The following JMJD1C variants were observed in gnomAD, a reference collection of about 807,000 sequenced individuals.
The protein encoded by JMJD1C is jumonji domain-containing protein 1C.
In JMJD1C, 31 loss-of-function variants were observed where a neutral mutation model predicts 245.3. That is an observed-to-expected ratio of 0.13 (90% CI 0.09 to 0.17). The LOEUF is 0.17. Among genes scored for constraint, JMJD1C ranks in the 10% least tolerant of loss-of-function variants. The probability of loss-of-function intolerance (pLI) is 1.00; values close to 1 mark genes in which losing one functional copy is unlikely to be tolerated. For missense variants in JMJD1C, 2,691 were observed against 3,000.2 expected, an observed-to-expected ratio of 0.90 and a Z score of 2.41; for synonymous variants, 1,057 against 1,017.4, an observed-to-expected ratio of 1.04 and a Z score of -0.74.
intron 1 of JMJD1C, among the ~76,000 whole-genome samples, chr10:63,486,137 TA>T (rs1166721473): frequency 0.024 from 1,757 of 73,238 alleles, 22 homozygotes; most frequent in African/African-American, 0.039. Context: ...CAAGCAATTG[TA>T]AAAAAAAAAA....
At chr10:63,286,627 T>C (rs1027248835) in intron 2 of JMJD1C, among the ~76,000 whole-genome samples, 18 of 152,316 alleles carry the variant, frequency 1.2e-4, no homozygotes, top group African/African-American at 1.7e-4. Context: ...TTGAACCACA[T>C]AGAGGCCCTT....
intron 1 of JMJD1C, chr10:63,521,474 T>C: frequency 9.3e-7 from 1 of 1,070,972 alleles, no homozygotes; most frequent in Non-Finnish European, 1.2e-6. Context: ...GCGCGCGGCC[T>C]GCCGTTGGCG....
rs540044419 is a variant in JMJD1C, at chr10:63,498,943, T to C, written n.113+22795A>G. Among the ~76,000 whole-genome samples the C allele has an allele frequency of 5.9e-5, 9 of 152,358 alleles. No individual in the cohort carries two copies. In the East Asian group the frequency reaches 1.3e-3, roughly 23 times the overall value. On this transcript the variant is annotated intron_variant and non_coding_transcript_variant, in intron 1 of 3. Transcript: ENST00000633035. The stretch of plus-strand genomic sequence containing the variant: ...CCCTCTGCTACTATGACTTTGATTA[T>C]TGTAGATTCTTCTTATCACTAAAAT...
intron 1 of JMJD1C, among the ~76,000 whole-genome samples, chr10:63,452,324 A>G (rs1219104157): frequency 6.6e-6 from 1 of 152,250 alleles, no homozygotes; most frequent in Non-Finnish European, 1.5e-5. Flanking sequence ...AATTGTGAAC[A>G]TGCACATGAA....
intron 1 of JMJD1C, chr10:63,427,917 G>T: frequency 1.4e-6 from 1 of 718,682 alleles, no homozygotes; most frequent in Non-Finnish European, 2.6e-6. Context: ...CAGCAAGGCA[G>T]CCACCTAGAA....
chr10:63,423,807 G>A (rs1421133254), intron 1 of JMJD1C, among the ~76,000 whole-genome samples: 1 of 152,114 alleles, frequency 6.6e-6, no homozygotes, highest in African/African-American at 2.4e-5. Flanking sequence ...AACACTTGAT[G>A]TTTTCCAGGT....
At chr10:63,495,111 CTTCT>C (rs1954314214) in intron 1 of JMJD1C, among the ~76,000 whole-genome samples, 3 of 150,184 alleles carry the variant, frequency 2.0e-5, no homozygotes, top group Admixed American at 1.3e-4. Context: ...TTTTTTTTAA[CTTCT>C]TTCTTCATTG....
chr10:63,175,878 T>C (rs1189984171), intron 24 of JMJD1C, among the ~76,000 whole-genome samples: 2 of 152,188 alleles, frequency 1.3e-5, no homozygotes, highest in African/African-American at 2.4e-5. Context: ...AACAGTTATA[T>C]AAATTACATA....
intron 22 of JMJD1C, among the ~76,000 whole-genome samples, chr10:63,180,464 G>C (rs989556046): frequency 8.5e-5 from 13 of 152,192 alleles, no homozygotes; most frequent in Non-Finnish European, 4.4e-5. Context: ...AATCACATCA[G>C]TACAAAGGGT....
At chr10:63,196,945 C>T (rs1328682392) in intron 13 of JMJD1C, among the ~76,000 whole-genome samples, 1 of 152,008 alleles carries the variant, frequency 6.6e-6, no homozygotes, top group Non-Finnish European at 1.5e-5. Flanking sequence ...TACAGGAACA[C>T]ACCACCATGC....
At chr10:63,316,180 A>T (rs1398068026) in intron 2 of JMJD1C, among the ~76,000 whole-genome samples, 1 of 152,212 alleles carries the variant, frequency 6.6e-6, no homozygotes, top group Non-Finnish European at 1.5e-5. Flanking sequence ...TCAAAAGCAA[A>T]CACGCAAACA....
At chr10:63,433,944 G>T (rs892846030) in intron 1 of JMJD1C, among the ~76,000 whole-genome samples, 1 of 150,852 alleles carries the variant, frequency 6.6e-6, no homozygotes, top group Non-Finnish European at 1.5e-5. Flanking sequence ...AATTTAGAGA[G>T]GGTATGCTGT....
chr10:63,303,397 C>A lies in JMJD1C; in HGVS notation c.334-38633G>T, dbSNP rs73292341. On this transcript the variant is annotated intron_variant, in intron 2 of 25. Transcript: ENST00000399262. Reference sequence around the variant, plus strand: ...CTTGACTCACTGCAGCCTTTGACTCCCAGGTTCCAGCGATTCCCCTGCTTC... The same window carrying A: ...CTTGACTCACTGCAGCCTTTGACTCACAGGTTCCAGCGATTCCCCTGCTTC... Among the ~76,000 whole-genome samples, 502 of 152,242 alleles carry A rather than the reference C, an allele frequency of 3.3e-3. 3 individuals are homozygous for A. Among genetic ancestry groups the A allele is most frequent in the African/African-American group, 0.011 (461 of 41,552 alleles).
At chr10:63,282,679 A>G (rs1188483211) in intron 2 of JMJD1C, among the ~76,000 whole-genome samples, 1 of 152,218 alleles carries the variant, frequency 6.6e-6, no homozygotes, top group Non-Finnish European at 1.5e-5. Flanking sequence ...TAAAATTTCG[A>G]TAACATTTCT....
intron 2 of JMJD1C, among the ~76,000 whole-genome samples, chr10:63,346,330 G>C (rs1943815125): frequency 6.6e-6 from 1 of 152,162 alleles, no homozygotes; most frequent in African/African-American, 2.4e-5. Context: ...ATGAAGAGGA[G>C]GCTCTAAAGC....
chr10:63,232,586 C>CA (rs1287316735), intron 3 of JMJD1C, among the ~76,000 whole-genome samples: 1 of 152,070 alleles, frequency 6.6e-6, no homozygotes, highest in African/African-American at 2.4e-5. Context: ...ATAAGCAACC[C>CA]ACTGTTATAT....
At chr10:63,455,174 G>A (rs1952330798) in intron 1 of JMJD1C, among the ~76,000 whole-genome samples, 1 of 152,178 alleles carries the variant, frequency 6.6e-6, no homozygotes, top group Non-Finnish European at 1.5e-5. Flanking sequence ...AGGTGTGGGA[G>A]TGAGATTATT....
chr10:63,495,258 T>A (rs1255548801), intron 1 of JMJD1C, among the ~76,000 whole-genome samples: 1 of 151,460 alleles, frequency 6.6e-6, no homozygotes, highest in African/African-American at 2.4e-5. Flanking sequence ...TATGAGATAA[T>A]CCTGGGATTA....
At chr10:63,222,869 A>G (rs899303601) in intron 3 of JMJD1C, 52 of 1,462,810 alleles carry the variant, frequency 3.6e-5, no homozygotes, top group Non-Finnish European at 5.0e-5. Flanking sequence ...AAAATATATA[A>G]AAACTGCATT....
Sources: gnomAD v4.1 joint callset for allele counts (sites outside exome capture counted in the v4.1 genomes callset) on GRCh38, gnomAD v4.1.1 for gene constraint, MANE v1.5 for transcripts, NCBI Gene and HGNC (gene_info 2026-07-23, HGNC 2026-07-21) for gene names.